Variants in CTNNA3 observed in about 807,000 individuals in gnomAD.
CTNNA3 encodes the protein catenin alpha-3.
In CTNNA3, 76 loss-of-function variants were observed where a neutral mutation model predicts 95.7. The observed-to-expected ratio is 0.79, with a 90% CI of 0.66 to 0.96. The LOEUF (loss-of-function observed/expected upper bound fraction) is 0.96. CTNNA3 is among the 40% of genes least tolerant of loss of function. The pLI is 0.00. For synonymous variants in CTNNA3, 431 were observed against 374.4 expected (o/e 1.15, Z -1.74); for missense variants, 1,191 against 1,089.8 (o/e 1.09, Z -1.31).
chr10:66,450,524 A>G lies in CTNNA3; in HGVS notation c.1531+70093T>C, dbSNP rs1487123877. Among the ~76,000 whole-genome samples, 3 of 152,244 alleles carry G rather than the reference A, an allele frequency of 2.0e-5. No homozygotes were observed. In the South Asian group the frequency reaches 6.2e-4, roughly 32 times the overall value. On this transcript the variant is annotated intron_variant, in intron 11 of 17. Coordinates refer to ENST00000433211, the MANE Select transcript of CTNNA3 (RefSeq NM_013266.4). ...AGAAATAACGTTGTATTCATTTCAC[A>G]GTGAATAAGAAGATAAGGATGATAT... is the stretch of plus-strand genomic sequence containing the variant.
chr10:66,605,008 A>G (rs899067299), intron 10 of CTNNA3, among the ~76,000 whole-genome samples: 2 of 152,158 alleles, frequency 1.3e-5, no homozygotes, highest in African/African-American at 4.8e-5. Flanking sequence ...AGGAACAAAG[A>G]TCATTAAGAT....
At chr10:66,655,928 C>T (rs1045908659) in intron 9 of CTNNA3, among the ~76,000 whole-genome samples, 1 of 152,066 alleles carries the variant, frequency 6.6e-6, no homozygotes, top group Non-Finnish European at 1.5e-5. Context: ...TACAGAAAAG[C>T]AGATTCAATA....
chr10:66,762,848 G>A (rs1028282129), intron 9 of CTNNA3, among the ~76,000 whole-genome samples: 25 of 151,984 alleles, frequency 1.6e-4, no homozygotes, highest in African/African-American at 5.8e-4. Flanking sequence ...AGACTTGATA[G>A]AAATCTTTAA....
chr10:66,829,934 C>G (rs542926095), intron 7 of CTNNA3, among the ~76,000 whole-genome samples: 2 of 151,740 alleles, frequency 1.3e-5, no homozygotes, highest in Non-Finnish European at 2.9e-5. Context: ...GGTGCGATCT[C>G]GGCTCCCTGC....
intron 5 of CTNNA3, among the ~76,000 whole-genome samples, chr10:67,297,607 C>G (rs532546274): frequency 1.8e-4 from 27 of 152,282 alleles, no homozygotes; most frequent in African/African-American, 6.3e-4. Context: ...TAGATATGGA[C>G]TGAAGAAGAG....
chr10:67,081,218 G>T (rs1857042171), intron 7 of CTNNA3, among the ~76,000 whole-genome samples: 1 of 152,186 alleles, frequency 6.6e-6, no homozygotes. Flanking sequence ...TTGGAGAAAT[G>T]ACTGTTGGCA....
At chr10:66,809,468 C>G (rs1841789221) in intron 7 of CTNNA3, among the ~76,000 whole-genome samples, 2 of 151,864 alleles carry the variant, frequency 1.3e-5, no homozygotes, top group Non-Finnish European at 2.9e-5. Flanking sequence ...TTTCTTGGAT[C>G]TGGGATCCTC....
At chr10:67,359,479 G>A (rs1842925299) in intron 5 of CTNNA3, among the ~76,000 whole-genome samples, 1 of 152,044 alleles carries the variant, frequency 6.6e-6, no homozygotes. Context: ...GCCAATCCAA[G>A]GAAGCAAGTA....
intron 10 of CTNNA3, among the ~76,000 whole-genome samples, chr10:66,553,629 A>T (rs1263848538): frequency 7.3e-6 from 1 of 136,316 alleles, no homozygotes. Context: ...CTGGGTTCAC[A>T]CCATTCTCCT....
intron 7 of CTNNA3, among the ~76,000 whole-genome samples, chr10:67,134,829 A>G (rs1334664711): frequency 2.0e-5 from 3 of 152,098 alleles, no homozygotes; most frequent in Non-Finnish European, 2.9e-5. Flanking sequence ...GATATCCAGA[A>G]GTTATGAGTT....
chr10:66,702,206 C>T (rs1473523570), intron 9 of CTNNA3, among the ~76,000 whole-genome samples: 1 of 151,964 alleles, frequency 6.6e-6, no homozygotes, highest in East Asian at 1.9e-4. Flanking sequence ...CCCGTAACAG[C>T]TGTTGAACAT....
At chr10:67,691,321 G>T (rs1840847399) in intron 1 of CTNNA3, among the ~76,000 whole-genome samples, 1 of 152,222 alleles carries the variant, frequency 6.6e-6, no homozygotes, top group Non-Finnish European at 1.5e-5. Context: ...CACCCCGTCT[G>T]GGAAGTGAGG....
intron 12 of CTNNA3, among the ~76,000 whole-genome samples, chr10:66,375,588 C>CAAAAA (rs147027212): frequency 2.8e-5 from 4 of 143,214 alleles, no homozygotes; most frequent in African/African-American, 1.0e-4. Flanking sequence ...AGCTGCAATG[C>CAAAAA]CAAAAAAAAA....
chr10:65,965,769 T>C (rs938371921), intron 17 of CTNNA3, among the ~76,000 whole-genome samples: 12 of 152,072 alleles, frequency 7.9e-5, no homozygotes, highest in East Asian at 5.8e-4. Context: ...CATTAACTCA[T>C]TGAGGGACTG....
At chr10:66,194,871 C>T (rs2086871568) in intron 13 of CTNNA3, among the ~76,000 whole-genome samples, 1 of 152,222 alleles carries the variant, frequency 6.6e-6, no homozygotes, top group African/African-American at 2.4e-5. Context: ...CTGCCTTTTC[C>T]CCACCACAAA....
chr10:66,825,716 T>C (rs745500276), intron 7 of CTNNA3, among the ~76,000 whole-genome samples: 5 of 152,184 alleles, frequency 3.3e-5, no homozygotes, highest in Non-Finnish European at 5.9e-5. Flanking sequence ...CTTTTTTTTC[T>C]ACAGGTCATC....
chr10:67,361,638 GT>G (rs750449447), intron 5 of CTNNA3, among the ~76,000 whole-genome samples: 119 of 152,270 alleles, frequency 7.8e-4, no homozygotes, highest in Non-Finnish European at 9.7e-4. Context: ...TAAGAGGAAA[GT>G]TTAGAGTGCA....
At chr10:66,613,331 CT>C in intron 10 of CTNNA3, among the ~76,000 whole-genome samples, 1 of 152,152 alleles carries the variant, frequency 6.6e-6, no homozygotes, top group East Asian at 1.9e-4. Flanking sequence ...TTTCTCAGAA[CT>C]GCTCCACTGA....
chr10:67,062,424 A>G lies in CTNNA3; in HGVS notation c.1047+117893T>C, dbSNP rs557135532. 2.9e-4 allele frequency among the ~76,000 whole-genome samples: 44 copies of G among 152,318 alleles called. No individual in the cohort carries two copies. The Middle Eastern group carries it at 0.014, about 47-fold the overall frequency. ...TGTCAGCGATGACTCATGCTTTAGC[A>G]TTATCTCTTAAGTATGCAGGTGATA... On this transcript the variant is annotated intron_variant, in intron 7 of 17. Transcript: ENST00000433211.
Sources: allele counts gnomAD v4.1 joint callset (sites outside exome capture counted in the v4.1 genomes callset), GRCh38; gene constraint gnomAD v4.1.1; transcripts MANE v1.5; gene names NCBI Gene and HGNC (gene_info 2026-07-23, HGNC 2026-07-21).